SOX6: variants seen among roughly 807,000 people sequenced by gnomAD.
SOX6 encodes SRY-box transcription factor 6.
A neutral mutation model predicts 97.8 loss-of-function variants in SOX6; 11 were observed. That is an observed-to-expected ratio of 0.11 (90% CI 0.07 to 0.19). SOX6 has a LOEUF of 0.19. Among genes scored for constraint, SOX6 ranks in the 10% least tolerant of loss-of-function variants. The probability of loss-of-function intolerance (pLI) is 1.00; values close to 1 mark genes in which losing one functional copy is unlikely to be tolerated. For missense variants in SOX6, 810 were observed against 1,039.5 expected, an observed-to-expected ratio of 0.78 and a Z score of 3.04; for synonymous variants, 360 against 371.4, an observed-to-expected ratio of 0.97 and a Z score of 0.35.
intron 9 of SOX6, among the ~76,000 whole-genome samples, chr11:16,065,674 A>C (rs557144866): frequency 6.6e-6 from 1 of 152,282 alleles, no homozygotes; most frequent in African/African-American, 2.4e-5. Context: ...CAATCTCTTC[A>C]ATAAATGGGG....
intron 4 of SOX6, among the ~76,000 whole-genome samples, chr11:16,217,567 G>T (rs1396113463): frequency 6.6e-6 from 1 of 152,088 alleles, no homozygotes; most frequent in Non-Finnish European, 1.5e-5. Flanking sequence ...ATGTACAGAA[G>T]ATTTCTTTTA....
At chr11:16,213,498 C>T (rs1424396190) in intron 4 of SOX6, among the ~76,000 whole-genome samples, 1 of 151,912 alleles carries the variant, frequency 6.6e-6, no homozygotes, top group Non-Finnish European at 1.5e-5. Context: ...ATGAAAAATA[C>T]CACTCAAAAC....
At chr11:16,464,697 G>T (rs560884957) in intron 1 of SOX6, among the ~76,000 whole-genome samples, 3 of 152,046 alleles carry the variant, frequency 2.0e-5, no homozygotes, top group South Asian at 4.2e-4. Flanking sequence ...CTTTCTAAAG[G>T]TCTCCAATAT....
intron 12 of SOX6, among the ~76,000 whole-genome samples, chr11:16,037,656 G>A (rs994128042): frequency 1.1e-4 from 17 of 152,160 alleles, no homozygotes; most frequent in African/African-American, 4.1e-4. Flanking sequence ...GGAAGTCACA[G>A]ACCTGTGAGT....
intron 3 of SOX6, among the ~76,000 whole-genome samples, chr11:16,299,103 T>C (rs985993116): frequency 3.3e-5 from 5 of 152,176 alleles, no homozygotes; most frequent in Admixed American, 6.6e-5. Flanking sequence ...GGTTAAAGAA[T>C]GTATCATTTT....
intron 15 of SOX6, among the ~76,000 whole-genome samples, chr11:15,984,553 T>C (rs1853767664): frequency 6.6e-6 from 1 of 152,256 alleles, no homozygotes; most frequent in African/African-American, 2.4e-5. Context: ...TATGAATTAG[T>C]ATTTTTCATA....
Position 16,049,778 on chromosome 11 carries a change from C to T in SOX6, c.1412G>A (p.Ser471Asn), listed in dbSNP as rs1466739133. 3 of 1,613,428 alleles carry T rather than the reference C, an allele frequency of 1.9e-6. No individual in the cohort carries two copies. In the African/African-American group the frequency reaches 4.0e-5, roughly 22 times the overall value. The change falls in exon 11 of 16, where the codon AGC becomes AAC. Residue 471 changes from serine (S) to asparagine (N), a missense_variant. Ser to Asn is a conservative substitution (Grantham distance 46). Transcript: ENST00000683767. ...KSSIPSPIGG[S>N]LGRGSSLDIL... ...ACCTAAAGAGGATCCTCTTCCCAGG[C>T]TTCCTCCAATGGGGCTAGGGATGCT... is the stretch of plus-strand genomic sequence containing the variant.
chr11:16,497,011 G>C (rs147725705), intron 4 of SOX6, among the ~76,000 whole-genome samples: 1,780 of 152,316 alleles, frequency 0.012, 33 homozygotes, highest in East Asian at 0.052. Context: ...AGAACGGACA[G>C]ACTGCCTCCT....
intron 4 of SOX6, among the ~76,000 whole-genome samples, chr11:16,580,849 TCAA>T (rs1462355603): frequency 1.3e-5 from 2 of 151,966 alleles, no homozygotes; most frequent in Non-Finnish European, 2.9e-5. Context: ...GAAAAAAAGC[TCAA>T]CGTCACTGAT....
At chr11:16,713,877 T>C (rs1848198630) in intron 3 of SOX6, among the ~76,000 whole-genome samples, 2 of 152,210 alleles carry the variant, frequency 1.3e-5, no homozygotes. Context: ...TGGAGAAAAC[T>C]GTGATCCAAC....
intron 1 of SOX6, among the ~76,000 whole-genome samples, chr11:16,363,104 T>A (rs1407931019): frequency 6.6e-6 from 1 of 152,174 alleles, no homozygotes; most frequent in Admixed American, 6.6e-5. Flanking sequence ...CCTTATATAC[T>A]TGCATTCTAA....
chr11:16,166,997 C>T (rs1216045044), intron 6 of SOX6, among the ~76,000 whole-genome samples: 1 of 152,168 alleles, frequency 6.6e-6, no homozygotes, highest in Non-Finnish European at 1.5e-5. Flanking sequence ...ACTACGCATA[C>T]ATTGACACTC....
chr11:16,522,024 AG>A (rs1861074030), intron 4 of SOX6, among the ~76,000 whole-genome samples: 1 of 152,194 alleles, frequency 6.6e-6, no homozygotes. Context: ...TGAAAGTGAC[AG>A]GAAGAATGGA....
At chr11:16,528,694 C>T (rs1422736171) in intron 4 of SOX6, among the ~76,000 whole-genome samples, 5 of 151,956 alleles carry the variant, frequency 3.3e-5, no homozygotes, top group African/African-American at 1.2e-4. Flanking sequence ...CAGAAATGAG[C>T]ACAACAATGA....
intron 3 of SOX6, among the ~76,000 whole-genome samples, chr11:16,663,375 G>A (rs1192935249): frequency 2.0e-5 from 3 of 151,964 alleles, no homozygotes; most frequent in African/African-American, 2.4e-5. Flanking sequence ...CCAACCTGGA[G>A]TGCAATGGTA....
intron 4 of SOX6, among the ~76,000 whole-genome samples, chr11:16,233,904 G>A (rs1852933473): frequency 6.6e-6 from 1 of 151,528 alleles, no homozygotes; most frequent in Admixed American, 6.6e-5. Context: ...CTACTCAGGG[G>A]GCTGAGGCAG....
chr11:16,541,859 G>A (rs550797462), intron 4 of SOX6, among the ~76,000 whole-genome samples: 36 of 152,326 alleles, frequency 2.4e-4, no homozygotes, highest in African/African-American at 7.0e-4. Context: ...CTTTTACACC[G>A]TTGGTGGGAG....
intron 3 of SOX6, chr11:16,317,203 G>T (rs557105811): frequency 6.6e-6 from 1 of 150,958 alleles, no homozygotes; most frequent in Non-Finnish European, 1.5e-5. Context: ...ATCACTAGGG[G>T]CATTATTATA....
intron 3 of SOX6, among the ~76,000 whole-genome samples, chr11:16,630,285 A>T (rs1255092525): frequency 6.6e-6 from 1 of 152,056 alleles, no homozygotes; most frequent in Non-Finnish European, 1.5e-5. Context: ...TTGGTATGTT[A>T]TGTGTCTGTT....
Sources: gnomAD v4.1 joint callset for allele counts (sites outside exome capture counted in the v4.1 genomes callset) on GRCh38, gnomAD v4.1.1 for gene constraint, MANE v1.5 for transcripts, NCBI Gene and HGNC (gene_info 2026-07-23, HGNC 2026-07-21) for gene names.